The following RPH3A variants were observed in gnomAD, a reference collection of about 807,000 sequenced individuals.
RPH3A encodes rabphilin-3A.
Under a neutral mutation model 102.2 loss-of-function variants are expected in RPH3A, and 48 were observed. The ratio of observed to expected loss-of-function variants is 0.47; its 90% CI spans 0.37 to 0.60. The LOEUF (loss-of-function observed/expected upper bound fraction) is 0.60, where lower values mean the gene tolerates loss of function less well. Among genes scored for constraint, RPH3A ranks in the 20% least tolerant of loss-of-function variants. The probability of loss-of-function intolerance (pLI) is 0.00; values close to 1 mark genes in which losing one functional copy is unlikely to be tolerated. For synonymous variants in RPH3A, 310 were observed against 324.3 expected (o/e 0.96, Z 0.47); for missense variants, 781 against 910.1 (o/e 0.86, Z 1.83).
intron 1 of RPH3A, among the ~76,000 whole-genome samples, chr12:112,578,963 G>A (rs2039377586): frequency 6.6e-6 from 1 of 152,146 alleles, no homozygotes; most frequent in Non-Finnish European, 1.5e-5. Context: ...ATTAAAAAAT[G>A]TAAAAAAAAT....
intron 4 of RPH3A, among the ~76,000 whole-genome samples, chr12:112,843,347 G>A (rs1384392011): frequency 6.6e-6 from 1 of 152,104 alleles, no homozygotes. Flanking sequence ...GAGACCAATC[G>A]GCGACATTTT....
intron 16 of RPH3A, among the ~76,000 whole-genome samples, chr12:112,884,269 G>A (rs1250777181): frequency 6.6e-6 from 1 of 152,064 alleles, no homozygotes; most frequent in South Asian, 2.1e-4. Flanking sequence ...CTGTGTTTGC[G>A]TCAGCTCTTT....
intron 1 of RPH3A, among the ~76,000 whole-genome samples, chr12:112,627,881 C>T (rs550844649): frequency 3.3e-5 from 5 of 151,496 alleles, no homozygotes; most frequent in African/African-American, 9.7e-5. Flanking sequence ...GTCCCACAGC[C>T]TGCACAGGAA....
intron 1 of RPH3A, among the ~76,000 whole-genome samples, chr12:112,726,507 G>T (rs931895587): frequency 2.6e-5 from 4 of 152,092 alleles, no homozygotes; most frequent in African/African-American, 9.7e-5. Context: ...AATGATTCTT[G>T]AAATATACCT....
chr12:112,664,579 C>T (rs1379495729), intron 1 of RPH3A, among the ~76,000 whole-genome samples: 1 of 152,080 alleles, frequency 6.6e-6, no homozygotes, highest in Non-Finnish European at 1.5e-5. Context: ...GGATTGGCCC[C>T]CTGGGGGTTT....
intron 14 of RPH3A, among the ~76,000 whole-genome samples, chr12:112,880,600 A>T (rs1038925366): frequency 2.0e-5 from 3 of 152,170 alleles, no homozygotes; most frequent in African/African-American, 4.8e-5. Flanking sequence ...AAGTGGGGAA[A>T]CAAGATCCAA....
intron 1 of RPH3A, among the ~76,000 whole-genome samples, chr12:112,685,124 A>G (rs545515007): frequency 1.1e-4 from 17 of 152,172 alleles, no homozygotes; most frequent in Admixed American, 1.1e-3. Flanking sequence ...TTTTGTAGAG[A>G]TGGGTTCTCA....
intron 4 of RPH3A, among the ~76,000 whole-genome samples, chr12:112,837,413 T>C (rs1413731778): frequency 6.6e-6 from 1 of 152,102 alleles, no homozygotes; most frequent in East Asian, 1.9e-4. Context: ...ATAGGACTCT[T>C]GCACAACTTT....
chr12:112,764,163 G>A (rs1021683296), intron 1 of RPH3A, among the ~76,000 whole-genome samples: 11 of 152,220 alleles, frequency 7.2e-5, no homozygotes, highest in African/African-American at 1.2e-4. Context: ...ATTAACAGGA[G>A]AAAAGGCATA....
At chr12:112,805,918 C>A (rs1239573569) in intron 2 of RPH3A, among the ~76,000 whole-genome samples, 1 of 152,156 alleles carries the variant, frequency 6.6e-6, no homozygotes, top group Non-Finnish European at 1.5e-5. Flanking sequence ...AATGATGAAT[C>A]TGTCTCTCCC....
At chr12:112,619,268 G>C (rs1200130512) in intron 1 of RPH3A, among the ~76,000 whole-genome samples, 4 of 150,492 alleles carry the variant, frequency 2.7e-5, no homozygotes, top group African/African-American at 9.8e-5. Context: ...GTGTGTGTGT[G>C]TGTGTGTGTG....
At chr12:112,797,048 A>C (rs2041246674) in intron 2 of RPH3A, among the ~76,000 whole-genome samples, 1 of 152,188 alleles carries the variant, frequency 6.6e-6, no homozygotes. Flanking sequence ...GTCTCAAAAA[A>C]AAAGACACGA....
intron 2 of RPH3A, among the ~76,000 whole-genome samples, chr12:112,794,491 G>T (rs903910375): frequency 6.6e-6 from 1 of 152,090 alleles, no homozygotes; most frequent in Admixed American, 6.5e-5. Context: ...GCTGGAAAGG[G>T]GTCTGCTTTA....
chr12:112,602,445 C>A (rs2039565953), intron 1 of RPH3A, among the ~76,000 whole-genome samples: 1 of 152,156 alleles, frequency 6.6e-6, no homozygotes, highest in South Asian at 2.1e-4. Flanking sequence ...GGCTTACCAT[C>A]CAAACATTCC....
chr12:112,692,058 T>C (rs756690328), intron 1 of RPH3A, among the ~76,000 whole-genome samples: 2 of 152,094 alleles, frequency 1.3e-5, no homozygotes, highest in African/African-American at 2.4e-5. Context: ...CTATGTTAAG[T>C]GAAATAAGCC....
At chr12:112,633,009 A>G (rs1205418926) in intron 1 of RPH3A, among the ~76,000 whole-genome samples, 1 of 151,882 alleles carries the variant, frequency 6.6e-6, no homozygotes, top group East Asian at 1.9e-4. Flanking sequence ...CCTGGGAAAC[A>G]TAGTGAGACC....
At chr12:112,634,245 G>A (rs2039830064) in intron 1 of RPH3A, among the ~76,000 whole-genome samples, 1 of 44,118 alleles carries the variant, frequency 2.3e-5, no homozygotes, top group Non-Finnish European at 4.0e-5. Flanking sequence ...CTACTTGGGA[G>A]GCTGAGGCAG....
In RPH3A at chr12:112,666,333, T is replaced by C. The variant is rs930990854; in HGVS notation, c.-140+91014T>C. Among the ~76,000 whole-genome samples the C allele has an allele frequency of 1.8e-4, 27 of 152,256 alleles. No individual in the cohort carries two copies. The Middle Eastern group carries it at 0.01, about 58-fold the overall frequency. ...CCTTGCCTTTTAGGGTCCTATTTCA[T>C]CCATCAGATGTGACTACATTCTGGA... On this transcript the variant is annotated intron_variant, in intron 1 of 21. Coordinates refer to the RPH3A transcript ENST00000543106.
intron 2 of RPH3A, among the ~76,000 whole-genome samples, chr12:112,819,067 G>A (rs1304643665): frequency 2.0e-5 from 3 of 151,744 alleles, no homozygotes; most frequent in African/African-American, 4.8e-5. Context: ...GTATATATGT[G>A]TGTATATATA....
Sources: allele counts gnomAD v4.1 joint callset (sites outside exome capture counted in the v4.1 genomes callset), GRCh38; gene constraint gnomAD v4.1.1; transcripts MANE v1.5; gene names NCBI Gene and HGNC (gene_info 2026-07-23, HGNC 2026-07-21).